The following ANKRD46 variants were observed in gnomAD, a reference collection of about 807,000 sequenced individuals.
ANKRD46 encodes ankyrin repeat domain 46.
Under a neutral mutation model 19.8 loss-of-function variants are expected in ANKRD46, and 13 were observed. The observed-to-expected ratio is 0.66, with a 90% CI of 0.43 to 1.04. ANKRD46 has a LOEUF of 1.04. ANKRD46 is among the 50% of genes least tolerant of loss of function. ANKRD46 has a pLI of 0.00. For missense variants in ANKRD46, 185 were observed against 274.8 expected (o/e 0.67, Z 2.31); for synonymous variants, 91 against 106.9 (o/e 0.85, Z 0.92).
At position 100,529,119 on chromosome 8, in the gene ANKRD46, T is replaced by C. The variant is rs888681524; in HGVS notation, c.311+404A>G. The stretch of plus-strand genomic sequence containing the variant: ...AATCCTCTATAAACTGTGTGAACTT[T>C]GTCCAATCCTTTTTTGTCTTCACTA... On this transcript the variant is annotated intron_variant, in intron 3 of 4. Transcript: ENST00000335659. The surrounding 1 kb of genome is among the most constrained non-coding windows in gnomAD (Gnocchi z 5.8). Among the ~76,000 whole-genome samples the C allele has an allele frequency of 1.3e-5, 2 of 152,230 alleles. No homozygotes were observed. The highest frequency in any genetic ancestry group is 4.8e-5 in the African/African-American group (2 of 41,464).
chr8:100,517,380 T>C (rs528096584), downstream of ANKRD46, among the ~76,000 whole-genome samples: 5 of 152,358 alleles, frequency 3.3e-5, no homozygotes, highest in South Asian at 8.3e-4. Context: ...GGACAGCATA[T>C]AGAAAATTTT....
Position 100,550,838 on chromosome 8 carries a change from G to C in ANKRD46, c.-131+8873C>G. ...TGAGGGCAATGGCAGCCCCAGCATC[G>C]AAAGTGGAAGAGTGAGTGTCACTGT... On this transcript the variant is annotated intron_variant, in intron 1 of 4. Transcript: ENST00000335659. The surrounding 1 kb of genome is among the most constrained non-coding windows in gnomAD (Gnocchi z 4.4). The C allele has an allele frequency of 2.2e-6, 1 of 464,888 alleles. No homozygotes were observed. Among genetic ancestry groups the C allele is most frequent in the South Asian group, 1.8e-5 (1 of 56,140 alleles). The allele number at this position is 464,888 out of a possible 1,614,324, so 28.8% of individuals were successfully genotyped here.
intron 1 of ANKRD46, among the ~76,000 whole-genome samples, chr8:100,539,531 C>G (rs1273486480): frequency 6.6e-6 from 1 of 152,196 alleles, no homozygotes; most frequent in African/African-American, 2.4e-5. Context: ...AATTTTTAGG[C>G]AGATGTAGCT....
At position 100,546,642 on chromosome 8, in the gene ANKRD46, C is replaced by T. The variant is rs1262259128; in HGVS notation, c.-131+13069G>A. ...TTGGAGCCCCCACACAGAGTCCCCA[C>T]TGGAGTGCTGCCTAGTGGAGCTATG... On this transcript the variant is annotated intron_variant, in intron 1 of 4. Coordinates refer to ENST00000335659, the MANE Select transcript of ANKRD46 (RefSeq NM_001270377.2). This position sits in a 1 kb window ranked among gnomAD's most constrained non-coding sequence, Gnocchi z 4.0. 6.6e-6 allele frequency among the ~76,000 whole-genome samples: 1 copy of T among 152,246 alleles called. No individual in the cohort carries two copies. The highest frequency in any genetic ancestry group is 1.5e-5 in the Non-Finnish European group (1 of 68,036).
chr8:100,513,556 C>T (rs1037220326), intron 5 of ANKRD46, among the ~76,000 whole-genome samples: 2 of 152,274 alleles, frequency 1.3e-5, no homozygotes, highest in African/African-American at 4.8e-5. Flanking sequence ...TCCAAGTCTA[C>T]GTGTTTTCTT....
At chr8:100,551,234 TG>T in intron 1 of ANKRD46, 1 of 465,354 alleles carries the variant, frequency 2.1e-6, no homozygotes. Context: ...TGGATGGGCT[TG>T]GCCGGGGGAT....
chr8:100,535,931 T>A (rs151200441), intron 1 of ANKRD46, among the ~76,000 whole-genome samples: 1 of 152,140 alleles, frequency 6.6e-6, no homozygotes, highest in African/African-American at 2.4e-5. Context: ...GTGAGTCGTA[T>A]GAAGACCTGA....
In ANKRD46 at chr8:100,550,149, G is replaced by A. The variant is rs1812354384; in HGVS notation, c.-131+9562C>T. 6.6e-6 allele frequency among the ~76,000 whole-genome samples: 1 copy of A among 152,212 alleles called. No homozygotes were observed. The highest frequency in any genetic ancestry group is 6.5e-5 in the Admixed American group (1 of 15,280). On this transcript the variant is annotated intron_variant, in intron 1 of 4. Coordinates refer to ENST00000335659, the MANE Select transcript of ANKRD46 (RefSeq NM_001270377.2). The surrounding 1 kb of genome is among the most constrained non-coding windows in gnomAD (Gnocchi z 4.4). The stretch of plus-strand genomic sequence containing the variant: ...TGAACACCCACATGCAGGTTTTTGT[G>A]TGGACAGTTTTTCACTCCTTTGGGT...
At chr8:100,555,046 A>G (rs1812465893) in intron 1 of ANKRD46, among the ~76,000 whole-genome samples, 1 of 152,084 alleles carries the variant, frequency 6.6e-6, no homozygotes, top group South Asian at 2.1e-4. Context: ...TATCACAGAG[A>G]CATAACCATA....
At chr8:100,551,030 T>C (rs1812376957) in intron 1 of ANKRD46, 8 of 513,508 alleles carry the variant, frequency 1.6e-5, no homozygotes, top group South Asian at 1.3e-4. Context: ...CGGAAGGCCA[T>C]GCTAGTGAGC....
chr8:100,555,648 G>A (rs1423433598), intron 1 of ANKRD46, among the ~76,000 whole-genome samples: 16 of 134,518 alleles, frequency 1.2e-4, no homozygotes, highest in African/African-American at 4.5e-4. Flanking sequence ...AGAAAGGAGA[G>A]CCAACCAATG....
In ANKRD46 at chr8:100,544,554, A is replaced by C. The variant is rs112133874; in HGVS notation, c.-130-11243T>G. ...TGAATCAAGAGATCCATGATCTGTG[A>C]ATTTATCAAGAATTATTTTTCAGGA... On this transcript the variant is annotated intron_variant, in intron 1 of 4. Coordinates refer to ENST00000335659, the MANE Select transcript of ANKRD46 (RefSeq NM_001270377.2). This position sits in a 1 kb window ranked among gnomAD's most constrained non-coding sequence, Gnocchi z 4.4. Among the ~76,000 whole-genome samples the C allele has an allele frequency of 7.4e-3, 1,125 of 152,318 alleles. 19 individuals are homozygous for C. Among genetic ancestry groups the C allele is most frequent in the African/African-American group, 0.026 (1,075 of 41,554 alleles).
At chr8:100,558,778 A>C (rs1812554200) in intron 1 of ANKRD46, among the ~76,000 whole-genome samples, 1 of 152,146 alleles carries the variant, frequency 6.6e-6, no homozygotes, top group Non-Finnish European at 1.5e-5. Flanking sequence ...GACCTTGGAG[A>C]AGTCAGACTC....
chr8:100,543,781 AT>A lies in ANKRD46; in HGVS notation c.-130-10471del, dbSNP rs1231733527. Among the ~76,000 whole-genome samples, 2 of 152,218 alleles carry A rather than the reference AT, an allele frequency of 1.3e-5. No homozygotes were observed. Among genetic ancestry groups the A allele is most frequent in the African/African-American group, 4.8e-5 (2 of 41,462 alleles). ...GCAAACTTTCAGGTTTATGGTAGCT[AT>A]TAAATTTACCACTAATATATCTGCA... On this transcript the variant is annotated intron_variant, in intron 1 of 4. Transcript: ENST00000335659. This position sits in a 1 kb window ranked among gnomAD's most constrained non-coding sequence, Gnocchi z 4.2.
At chr8:100,531,806 C>T (rs1478075772) in intron 2 of ANKRD46, among the ~76,000 whole-genome samples, 2 of 152,102 alleles carry the variant, frequency 1.3e-5, no homozygotes, top group East Asian at 3.9e-4. Flanking sequence ...GTCCAGCCCA[C>T]TGAAGAATTT....
chr8:100,553,083 T>C (rs1242355341), intron 1 of ANKRD46, among the ~76,000 whole-genome samples: 1 of 152,242 alleles, frequency 6.6e-6, no homozygotes, highest in Non-Finnish European at 1.5e-5. Flanking sequence ...AAATCTCATG[T>C]TCAGCACAGG....
In ANKRD46 at chr8:100,525,946, T is replaced by C. The variant is rs1412255030; in HGVS notation, c.470+1899A>G. Reference sequence around the variant, plus strand: ...TGCAGCTATCCTAGTGGGTGTGAAGTGGCATTTCACTATGGTCCTCATTTG... The same window carrying C: ...TGCAGCTATCCTAGTGGGTGTGAAGCGGCATTTCACTATGGTCCTCATTTG... On this transcript the variant is annotated intron_variant, in intron 4 of 4. Coordinates refer to ENST00000335659, the MANE Select transcript of ANKRD46 (RefSeq NM_001270377.2). This position sits in a 1 kb window ranked among gnomAD's most constrained non-coding sequence, Gnocchi z 4.4. Among the ~76,000 whole-genome samples the C allele has an allele frequency of 1.3e-5, 2 of 152,234 alleles. No individual in the cohort carries two copies. Among genetic ancestry groups the C allele is most frequent in the Non-Finnish European group, 2.9e-5 (2 of 68,044 alleles).
intron 1 of ANKRD46, among the ~76,000 whole-genome samples, chr8:100,556,054 C>T (rs1472491371): frequency 6.6e-6 from 1 of 152,196 alleles, no homozygotes; most frequent in Admixed American, 6.5e-5. Context: ...TTTTTATACA[C>T]CTACTACATT....
downstream of ANKRD46, among the ~76,000 whole-genome samples, chr8:100,516,529 T>G (rs548556631): frequency 1.7e-4 from 26 of 152,240 alleles, no homozygotes; most frequent in African/African-American, 6.3e-4. Flanking sequence ...AAAAACAACT[T>G]AAGTAGGCTA....
Sources: allele counts gnomAD v4.1 joint callset (sites outside exome capture counted in the v4.1 genomes callset), GRCh38; gene constraint gnomAD v4.1.1; non-coding constraint Gnocchi (gnomAD v3.1); transcripts MANE v1.5; gene names NCBI Gene and HGNC (gene_info 2026-07-23, HGNC 2026-07-21).